Variants in TAFA2 observed in about 807,000 individuals in gnomAD.
TAFA2 encodes the protein chemokine-like protein TAFA-2.
TAFA2 carries 7 observed loss-of-function variants against 18.8 expected under a neutral mutation model. The ratio of observed to expected loss-of-function variants is 0.37; its 90% CI spans 0.21 to 0.70. The LOEUF (loss-of-function observed/expected upper bound fraction) is 0.70, where lower values mean the gene tolerates loss of function less well. Ranked by LOEUF, TAFA2 falls within the 30% of genes least tolerant of loss-of-function variation. TAFA2 has a pLI of 0.53. For synonymous variants in TAFA2, 60 were observed against 54.2 expected (o/e 1.11, Z -0.47); for missense variants, 122 against 158.1 (o/e 0.77, Z 1.23).
intron 1 of TAFA2, among the ~76,000 whole-genome samples, chr12:61,952,531 C>T (rs556098595): frequency 5.9e-5 from 9 of 152,062 alleles, no homozygotes; most frequent in East Asian, 3.9e-4. Context: ...CTCAGATCAA[C>T]GCGATAAACT....
At chr12:62,207,301 G>A (rs566614599) in intron 1 of TAFA2, 1 of 152,256 alleles carries the variant, frequency 6.6e-6, no homozygotes, top group South Asian at 2.1e-4. Context: ...TACAAGATTA[G>A]GGAAAAATAT....
intron 1 of TAFA2, among the ~76,000 whole-genome samples, chr12:62,237,375 C>A (rs2062842999): frequency 6.6e-6 from 1 of 152,158 alleles, no homozygotes; most frequent in Admixed American, 6.5e-5. Context: ...TTCCAGATTT[C>A]TGTTTGACTT....
chr12:61,910,100 TTGTGTGTGTGTGTGTGTG>T (rs71083963), intron 1 of TAFA2, among the ~76,000 whole-genome samples: 1 of 144,802 alleles, frequency 6.9e-6, no homozygotes, highest in Non-Finnish European at 1.5e-5. Context: ...GTGTGTGTGT[TTGTGTGTGTGTGTGTGTG>T]TGTGTGTGTG....
At chr12:61,947,982 A>G (rs996559984) in intron 1 of TAFA2, among the ~76,000 whole-genome samples, 2 of 152,170 alleles carry the variant, frequency 1.3e-5, no homozygotes, top group Admixed American at 6.5e-5. Context: ...TATAGAAACC[A>G]CAAACATCTG....
At chr12:62,233,406 C>A (rs973757835) in intron 1 of TAFA2, among the ~76,000 whole-genome samples, 5 of 152,022 alleles carry the variant, frequency 3.3e-5, no homozygotes, top group African/African-American at 1.2e-4. Context: ...TAGTAACATC[C>A]CTCCTCCACT....
intron 4 of TAFA2, among the ~76,000 whole-genome samples, chr12:61,719,831 T>A (rs1459869806): frequency 6.6e-6 from 1 of 152,158 alleles, no homozygotes; most frequent in Non-Finnish European, 1.5e-5. Context: ...CAGAAGTTTG[T>A]GAGAACATGC....
At chr12:61,811,707 T>G (rs1443459253) in intron 2 of TAFA2, among the ~76,000 whole-genome samples, 1 of 151,382 alleles carries the variant, frequency 6.6e-6, no homozygotes, top group Non-Finnish European at 1.5e-5. Flanking sequence ...AAAATTACAA[T>G]TAATATTGGC....
intron 1 of TAFA2, among the ~76,000 whole-genome samples, chr12:62,063,605 A>G (rs551739254): frequency 2.2e-3 from 328 of 152,262 alleles, no homozygotes; most frequent in Non-Finnish European, 2.7e-3. Context: ...TGATTAACCA[A>G]ATTATATTTT....
At chr12:62,128,902 C>T (rs1227245306) in intron 1 of TAFA2, among the ~76,000 whole-genome samples, 1 of 151,970 alleles carries the variant, frequency 6.6e-6, no homozygotes, top group South Asian at 2.1e-4. Flanking sequence ...AATCTGAATC[C>T]ATGTGTGAAA....
chr12:61,860,822 C>T lies in TAFA2; in HGVS notation c.106+6498G>A, dbSNP rs142475568. Among the ~76,000 whole-genome samples, 660 of 152,254 alleles carry T rather than the reference C, an allele frequency of 4.3e-3. 2 individuals are homozygous for T. The highest frequency in any genetic ancestry group is 0.015 in the African/African-American group (608 of 41,538). On this transcript the variant is annotated intron_variant, in intron 2 of 4. Coordinates refer to ENST00000416284, the MANE Select transcript of TAFA2 (RefSeq NM_178539.5). Reference sequence around the variant, plus strand: ...ATTTTACAGTTTATATACTCTTAACCTGAAATTTTATCTTCACAGCACTTT... The same window carrying T: ...ATTTTACAGTTTATATACTCTTAACTTGAAATTTTATCTTCACAGCACTTT...
At chr12:62,144,280 T>C (rs2062263236) in intron 1 of TAFA2, among the ~76,000 whole-genome samples, 1 of 152,132 alleles carries the variant, frequency 6.6e-6, no homozygotes, top group South Asian at 2.1e-4. Context: ...TTATGCTAGG[T>C]TAGTGTTGAA....
At chr12:62,117,646 G>T (rs1389846390) in intron 1 of TAFA2, among the ~76,000 whole-genome samples, 1 of 151,946 alleles carries the variant, frequency 6.6e-6, no homozygotes, top group African/African-American at 2.4e-5. Flanking sequence ...ATTTAAGTGA[G>T]CACCAAGAAA....
intron 1 of TAFA2, among the ~76,000 whole-genome samples, chr12:62,067,277 T>C (rs1000749967): frequency 6.6e-6 from 1 of 152,100 alleles, no homozygotes; most frequent in Non-Finnish European, 1.5e-5. Context: ...ATCTTCACTT[T>C]GTTGATTGTT....
intron 2 of TAFA2, among the ~76,000 whole-genome samples, chr12:61,790,846 T>C (rs141505319): frequency 5.9e-5 from 9 of 151,774 alleles, no homozygotes; most frequent in East Asian, 3.9e-4. Flanking sequence ...GTGTTATTTA[T>C]AGAAATAAGA....
At chr12:61,877,634 C>T (rs1443897410) in intron 1 of TAFA2, among the ~76,000 whole-genome samples, 1 of 152,050 alleles carries the variant, frequency 6.6e-6, no homozygotes, top group Non-Finnish European at 1.5e-5. Context: ...ACCTACTGAC[C>T]TTATTTCTTC....
intron 4 of TAFA2, among the ~76,000 whole-genome samples, chr12:61,742,174 C>T (rs1868486484): frequency 6.6e-6 from 1 of 152,138 alleles, no homozygotes; most frequent in Admixed American, 6.6e-5. Context: ...GGATTACAGG[C>T]ATGAGCCACT....
intron 2 of TAFA2, among the ~76,000 whole-genome samples, chr12:61,781,203 G>T (rs1870488079): frequency 6.6e-6 from 1 of 151,658 alleles, no homozygotes; most frequent in Non-Finnish European, 1.5e-5. Context: ...TTCCTATTTG[G>T]ACTGGGGAGC....
intron 1 of TAFA2, among the ~76,000 whole-genome samples, chr12:61,884,391 G>T (rs953758992): frequency 1.3e-5 from 2 of 152,110 alleles, no homozygotes; most frequent in Non-Finnish European, 2.9e-5. Flanking sequence ...CCATCAACGA[G>T]CTCTTTGGGT....
At chr12:61,712,279 G>A (rs1295643166) in intron 4 of TAFA2, among the ~76,000 whole-genome samples, 1 of 152,036 alleles carries the variant, frequency 6.6e-6, no homozygotes, top group Non-Finnish European at 1.5e-5. Context: ...GAGTATAATA[G>A]ATGCATTCCT....
Sources: allele counts gnomAD v4.1 joint callset (sites outside exome capture counted in the v4.1 genomes callset), GRCh38; gene constraint gnomAD v4.1.1; transcripts MANE v1.5; gene names NCBI Gene and HGNC (gene_info 2026-07-23, HGNC 2026-07-21).